GDAP1L1: variants seen among roughly 807,000 people sequenced by gnomAD.
GDAP1L1 encodes ganglioside induced differentiation associated protein 1 like 1, also known as ganglioside-induced differentiation-associated protein 1-like 1.
In GDAP1L1, 21 loss-of-function variants were observed where a neutral mutation model predicts 37.1. That is an observed-to-expected ratio of 0.57 (90% CI 0.40 to 0.81). The LOEUF (loss-of-function observed/expected upper bound fraction) is 0.81. Ranked by LOEUF, GDAP1L1 falls within the 40% of genes least tolerant of loss-of-function variation. The pLI is 0.00. For missense variants in GDAP1L1, 362 were observed against 491.6 expected, an observed-to-expected ratio of 0.74 and a Z score of 2.49; for synonymous variants, 193 against 209.1, an observed-to-expected ratio of 0.92 and a Z score of 0.67.
chr20:44,271,061 G>A (rs1347290799), intron 5 of GDAP1L1, among the ~76,000 whole-genome samples: 3 of 152,000 alleles, frequency 2.0e-5, no homozygotes, highest in African/African-American at 4.8e-5. Context: ...CCAGGAGTTC[G>A]AGACCAGTCT....
intron 1 of GDAP1L1, among the ~76,000 whole-genome samples, chr20:44,255,910 A>T (rs535192313): frequency 6.6e-6 from 1 of 152,250 alleles, no homozygotes; most frequent in East Asian, 1.9e-4. Flanking sequence ...GGACTAGGTG[A>T]TCTCTAACCA....
chr20:44,251,576 T>C (rs944091783), intron 1 of GDAP1L1, among the ~76,000 whole-genome samples: 4 of 152,204 alleles, frequency 2.6e-5, no homozygotes, highest in African/African-American at 9.7e-5. Flanking sequence ...CTTGACCGTG[T>C]ACCGCCTCCC....
At chr20:44,275,878 A>G (rs1600567496) in intron 5 of GDAP1L1, among the ~76,000 whole-genome samples, 1 of 152,238 alleles carries the variant, frequency 6.6e-6, no homozygotes, top group East Asian at 1.9e-4. Context: ...TAGTCAAGCT[A>G]AATTTAGATG....
chr20:44,277,689 G>A (rs897311844), intron 5 of GDAP1L1, among the ~76,000 whole-genome samples: 1 of 152,184 alleles, frequency 6.6e-6, no homozygotes, highest in African/African-American at 2.4e-5. Context: ...GGGGACAAGG[G>A]CAGAAACAGG....
At chr20:44,259,686 G>C (rs1417537590) in intron 3 of GDAP1L1, among the ~76,000 whole-genome samples, 9 of 152,160 alleles carry the variant, frequency 5.9e-5, no homozygotes, top group Middle Eastern at 6.8e-3. Context: ...TGGTAGAGAT[G>C]AGGTTTTGCC....
intron 5 of GDAP1L1, among the ~76,000 whole-genome samples, chr20:44,273,436 G>A (rs148949054): frequency 4.5e-4 from 69 of 152,210 alleles, no homozygotes; most frequent in South Asian, 1.2e-3. Context: ...GGGGACTTAC[G>A]TCACTTGATC....
At chr20:44,265,297 AC>A (rs1181185891) in intron 5 of GDAP1L1, 2 of 984,876 alleles carry the variant, frequency 2.0e-6, no homozygotes, top group African/African-American at 3.5e-5. Context: ...CTCCTGGAGC[AC>A]CCTTCCTACA....
upstream of GDAP1L1, chr20:44,247,240 G>A: frequency 8.0e-7 from 1 of 1,247,676 alleles, no homozygotes; most frequent in South Asian, 1.3e-5. Flanking sequence ...AGGGAGGGAG[G>A]AGAGGGGCAG....
chr20:44,248,630 A>T (rs2073380668), intron 1 of GDAP1L1, among the ~76,000 whole-genome samples: 1 of 152,266 alleles, frequency 6.6e-6, no homozygotes, highest in South Asian at 2.1e-4. Context: ...TTGTTGAAGA[A>T]GGGATATAAC....
At chr20:44,251,581 C>T (rs1200995124) in intron 1 of GDAP1L1, among the ~76,000 whole-genome samples, 1 of 152,238 alleles carries the variant, frequency 6.6e-6, no homozygotes, top group Non-Finnish European at 1.5e-5. Context: ...CCGTGTACCG[C>T]CTCCCTTCAC....
intron 1 of GDAP1L1, among the ~76,000 whole-genome samples, chr20:44,249,424 T>A (rs982925625): frequency 6.6e-6 from 1 of 152,144 alleles, no homozygotes; most frequent in African/African-American, 2.4e-5. Flanking sequence ...CTGCACATGC[T>A]TGCACGTGCC....
intron 2 of GDAP1L1, chr20:44,258,161 C>T: frequency 1.4e-6 from 1 of 717,476 alleles, no homozygotes; most frequent in Non-Finnish European, 2.6e-6. Context: ...GTTGCAGCTT[C>T]TCTTGAATCC....
chr20:44,275,311 G>A (rs888605084), intron 5 of GDAP1L1, among the ~76,000 whole-genome samples: 4 of 152,100 alleles, frequency 2.6e-5, no homozygotes, highest in African/African-American at 4.8e-5. Flanking sequence ...GTATTGTGTC[G>A]TGTCTTCATG....
rs947141325 is a variant in GDAP1L1 at position 44,267,386 on chromosome 20, G to A, written c.760+2827G>A. Among the ~76,000 whole-genome samples, 63 of 152,216 alleles carry A rather than the reference G, an allele frequency of 4.1e-4. No homozygotes were observed. The Middle Eastern group carries it at 0.01, about 25-fold the overall frequency. On this transcript the variant is annotated intron_variant, in intron 5 of 5. Transcript: ENST00000342560. ...ACACTTTGGGAGGCTGAGGCAGGTG[G>A]ATCACTTGAGGTCAGGAGTTCGAGA...
At chr20:44,262,941 C>T (rs1053162540) in intron 3 of GDAP1L1, among the ~76,000 whole-genome samples, 1 of 151,958 alleles carries the variant, frequency 6.6e-6, no homozygotes, top group Admixed American at 6.6e-5. Flanking sequence ...AACTCCTGGG[C>T]TCAAGTGATC....
chr20:44,276,270 G>A (rs1339932225), intron 5 of GDAP1L1, among the ~76,000 whole-genome samples: 1 of 151,588 alleles, frequency 6.6e-6, no homozygotes, highest in Non-Finnish European at 1.5e-5. Context: ...TGGAGGTGGA[G>A]GTTGCAGTGA....
Position 44,247,511 on chromosome 20 carries a change from G to A in GDAP1L1, c.177G>A (p.Gln59=), listed in dbSNP as rs576303211. 2.0e-6 allele frequency: 3 copies of A among 1,516,230 alleles called. No homozygotes were observed. Among genetic ancestry groups the A allele is most frequent in the South Asian group, 2.5e-5 (2 of 81,108 alleles). 93.9% of individuals were successfully genotyped at this position (1,516,230 alleles called of 1,614,324 possible). ...LYHWTQSFSS[Q]KVRLVIAEKG... The stretch of plus-strand genomic sequence containing the variant: ...ACTGGACCCAGTCCTTCAGCTCGCA[G>A]AAGGTAGAGCCGGGCCGGGAGCCGC... Residue 59 remains glutamine (Q), a synonymous_variant, in exon 1 of 6, where the codon CAG becomes CAA. Coordinates refer to ENST00000342560, the MANE Select transcript of GDAP1L1 (RefSeq NM_024034.6).
At chr20:44,259,060 G>A (rs552002236) in intron 3 of GDAP1L1, among the ~76,000 whole-genome samples, 25 of 151,824 alleles carry the variant, frequency 1.6e-4, no homozygotes, top group East Asian at 7.8e-4. Context: ...GCTGTGCTTC[G>A]TGGCCAAGGG....
intron 1 of GDAP1L1, among the ~76,000 whole-genome samples, chr20:44,252,595 G>A (rs959635087): frequency 2.0e-5 from 3 of 152,308 alleles, no homozygotes; most frequent in African/African-American, 7.2e-5. Context: ...AGCCGAGATT[G>A]CACCACTGCA....
Sources: gnomAD v4.1 joint callset for allele counts (sites outside exome capture counted in the v4.1 genomes callset) on GRCh38, gnomAD v4.1.1 for gene constraint, MANE v1.5 for transcripts, NCBI Gene and HGNC (gene_info 2026-07-23, HGNC 2026-07-21) for gene names.